PRKAR1A: variants seen among roughly 807,000 people sequenced by gnomAD.
PRKAR1A encodes the protein protein kinase cAMP-dependent type I regulatory subunit alpha.
PRKAR1A carries 3 observed loss-of-function variants against 52.0 expected under a neutral mutation model. The ratio of observed to expected loss-of-function variants is 0.06; its 90% confidence interval spans 0.03 to 0.15. The LOEUF (loss-of-function observed/expected upper bound fraction) is 0.15. PRKAR1A is among the 10% of genes least tolerant of loss of function. PRKAR1A has a pLI of 1.00. For synonymous variants in PRKAR1A, 188 were observed against 168.4 expected (o/e 1.12, Z -0.90); for missense variants, 240 against 477.4 (o/e 0.50, Z 4.63).
At chr17:68,459,002 A>T in the PRKAR1A span, among the ~76,000 whole-genome samples, 1 of 152,214 alleles carries the variant, frequency 6.6e-6, no homozygotes, top group East Asian at 1.9e-4. Flanking sequence ...TATTTCACCT[A>T]AACCTTTCTG....
At chr17:68,508,486 A>G (rs1354250179), upstream of PRKAR1A, among the ~76,000 whole-genome samples, 1 of 152,190 alleles carries the variant, frequency 6.6e-6, no homozygotes, top group Non-Finnish European at 1.5e-5. Flanking sequence ...TTGATTACTC[A>G]AGGACATAAA....
chr17:68,547,436 G>C (rs1158883353), intron 11 of PRKAR1A, among the ~76,000 whole-genome samples: 1 of 152,096 alleles, frequency 6.6e-6, no homozygotes, highest in Non-Finnish European at 1.5e-5. Flanking sequence ...CCAATAGAAG[G>C]CTGTTTCATC....
At chr17:68,454,813 A>G in the PRKAR1A span, among the ~76,000 whole-genome samples, 4 of 152,332 alleles carry the variant, frequency 2.6e-5, no homozygotes, top group South Asian at 2.1e-4. Flanking sequence ...ATGCAAAGTG[A>G]CAGCAATTTA....
chr17:68,430,211 G>T, the PRKAR1A span: 5 of 1,550,002 alleles, frequency 3.2e-6, no homozygotes, highest in Non-Finnish European at 3.5e-6. Flanking sequence ...GGCCCCACAC[G>T]CACCCAGGAA....
chr17:68,437,947 T>TAAAAAAACAAAAAAAAAA, the PRKAR1A span, among the ~76,000 whole-genome samples: 1 of 58,786 alleles, frequency 1.7e-5, no homozygotes, highest in Non-Finnish European at 3.1e-5. Flanking sequence ...GACATCTCTC[T>TAAAAAAACAAAAAAAAAA]TAAAAAAAAA....
intron 7 of PRKAR1A, among the ~76,000 whole-genome samples, chr17:68,527,035 C>T (rs1391362814): frequency 2.6e-5 from 4 of 152,180 alleles, no homozygotes; most frequent in Non-Finnish European, 5.9e-5. Context: ...TTCTGCATTT[C>T]CTCTACAGGA....
the PRKAR1A span, among the ~76,000 whole-genome samples, chr17:68,461,370 CT>C: frequency 6.6e-6 from 1 of 152,134 alleles, no homozygotes; most frequent in Non-Finnish European, 1.5e-5. The surrounding 1 kb of genome is among the most constrained non-coding windows in gnomAD (Gnocchi z 4.6). Context: ...GGAGAGACTT[CT>C]TATTTGTATA....
At chr17:68,420,083 T>G in the PRKAR1A span, 1 of 1,296,962 alleles carries the variant, frequency 7.7e-7, no homozygotes, top group Non-Finnish European at 1.1e-6. Flanking sequence ...GAACATTTGG[T>G]TATCTGGTAT....
At chr17:68,426,101 G>C in the PRKAR1A span, 1 of 1,612,732 alleles carries the variant, frequency 6.2e-7, no homozygotes, top group East Asian at 2.2e-5. Flanking sequence ...TCATCATCAA[G>C]ACACACTGGT....
At chr17:68,475,313 G>A in the PRKAR1A span, among the ~76,000 whole-genome samples, 9 of 152,344 alleles carry the variant, frequency 5.9e-5, no homozygotes, top group African/African-American at 2.2e-4. Context: ...AGTTAAATGG[G>A]TGAATTAAAT....
chr17:68,491,093 T>TCTTC, the PRKAR1A span, among the ~76,000 whole-genome samples: 1 of 134,584 alleles, frequency 7.4e-6, no homozygotes, highest in African/African-American at 2.8e-5. Context: ...TTTCTTTCTT[T>TCTTC]CTTTTTTTTT....
the PRKAR1A span, among the ~76,000 whole-genome samples, chr17:68,470,436 G>A: frequency 6.6e-6 from 1 of 152,178 alleles, no homozygotes; most frequent in Non-Finnish European, 1.5e-5. Context: ...AGAGAGTCTT[G>A]GGTAAACCCA....
At chr17:68,428,778 T>C in the PRKAR1A span, 1 of 1,439,698 alleles carries the variant, frequency 6.9e-7, no homozygotes, top group Non-Finnish European at 9.8e-7. Flanking sequence ...AAGGGACAAC[T>C]CTACACGACC....
At chr17:68,457,365 G>C in the PRKAR1A span, 44 of 1,542,314 alleles carry the variant, frequency 2.9e-5, no homozygotes, top group African/African-American at 5.8e-4. Flanking sequence ...TGAAAGAGAA[G>C]CAGCTGAGCG....
At chr17:68,535,808 ATT>A (rs113263481), downstream of PRKAR1A, 5 of 437,758 alleles carry the variant, frequency 1.1e-5, no homozygotes, top group East Asian at 3.6e-4. Context: ...TGCCCAGCTG[ATT>A]TTTTTTTTAA....
chr17:68,428,902 A>G, the PRKAR1A span: 2 of 1,614,118 alleles, frequency 1.2e-6, no homozygotes, highest in Non-Finnish European at 1.7e-6. Flanking sequence ...TGTCCACTGG[A>G]TGACGCAACT....
At chr17:68,422,183 T>G in the PRKAR1A span, 1 of 201,400 alleles carries the variant, frequency 5.0e-6, no homozygotes, top group Non-Finnish European at 1.0e-5. Context: ...ATCCCAGAAC[T>G]TTGGGAGGCT....
At chr17:68,507,606 C>A (rs1460685869), upstream of PRKAR1A, among the ~76,000 whole-genome samples, 1 of 152,082 alleles carries the variant, frequency 6.6e-6, no homozygotes, top group Non-Finnish European at 1.5e-5. Flanking sequence ...TATGTACAAA[C>A]CTGCACGTTC....
In PRKAR1A at chr17:68,531,370, A is replaced by T. The variant is rs569183529; in HGVS notation, c.*921A>T. On this transcript the variant is annotated 3_prime_UTR_variant, in exon 11 of 11. Transcript: ENST00000589228. ...GACTCCAGTATAATCTCCTCTGCTCATTAAACTGATTCCAGGAGATTGGAT... is the reference window on the plus strand; with the variant it reads ...GACTCCAGTATAATCTCCTCTGCTCTTTAAACTGATTCCAGGAGATTGGAT... 1.9e-6 allele frequency: 2 copies of T among 1,065,804 alleles called. No individual in the cohort carries two copies. Among genetic ancestry groups the T allele is most frequent in the South Asian group, 9.1e-5 (2 of 21,980 alleles). 66.0% of individuals were successfully genotyped at this position (1,065,804 alleles called of 1,614,324 possible).
Sources: allele counts gnomAD v4.1 joint callset (sites outside exome capture counted in the v4.1 genomes callset), GRCh38; gene constraint gnomAD v4.1.1; non-coding constraint Gnocchi (gnomAD v3.1); transcripts MANE v1.5; gene names NCBI Gene and HGNC (gene_info 2026-07-23, HGNC 2026-07-21).